PDE5A: variants seen among roughly 807,000 people sequenced by gnomAD.
PDE5A encodes cGMP-specific 3',5'-cyclic phosphodiesterase.
A neutral mutation model predicts 110.2 loss-of-function variants in PDE5A; 67 were observed. That is an observed-to-expected ratio of 0.61 (90% CI 0.50 to 0.75). The LOEUF (loss-of-function observed/expected upper bound fraction) is 0.75, where lower values mean the gene tolerates loss of function less well. PDE5A is among the 30% of genes least tolerant of loss of function. The pLI is 0.00. For missense variants in PDE5A, 862 were observed against 1,045.1 expected (o/e 0.82, Z 2.42); for synonymous variants, 328 against 351.2 (o/e 0.93, Z 0.74).
In PDE5A at chr4:119,497,929, G is replaced by A. The variant is rs200342258; in HGVS notation, c.*672C>T. 2 of 152,126 alleles carry A rather than the reference G, an allele frequency of 1.3e-5. No homozygotes were observed. Among genetic ancestry groups the A allele is most frequent in the Non-Finnish European group, 2.9e-5 (2 of 68,024 alleles). 9.4% of individuals were successfully genotyped at this position (152,126 alleles called of 1,614,324 possible). ...GTAGGTGAGATGAAAGTGATTTTATGGGTAGCTTTCAGAAAAATGTACTGC... is the reference window on the plus strand; with the variant it reads ...GTAGGTGAGATGAAAGTGATTTTATAGGTAGCTTTCAGAAAAATGTACTGC... On this transcript the variant is annotated 3_prime_UTR_variant, in exon 21 of 21. Coordinates refer to ENST00000354960, the MANE Select transcript of PDE5A (RefSeq NM_001083.4).
chr4:119,555,645 A>G (rs543407866), intron 7 of PDE5A, among the ~76,000 whole-genome samples: 1 of 152,238 alleles, frequency 6.6e-6, no homozygotes, highest in South Asian at 2.1e-4. Context: ...ATTCTTCATC[A>G]TCATTATTTT....
In PDE5A at chr4:119,552,597, C is replaced by G. The variant is rs773486166; in HGVS notation, c.1349G>C (p.Ser450Thr). 2 of 1,550,420 alleles carry G rather than the reference C, an allele frequency of 1.3e-6. No homozygotes were observed. The highest frequency in any genetic ancestry group is 2.5e-5 in the South Asian group (2 of 81,400). ...ATTTTTTATAGGTGTACAAAGCAAACTTCTAATGCACTGCTGGTTTACATT... is the reference window on the plus strand; with the variant it reads ...ATTTTTTATAGGTGTACAAAGCAAAGTTCTAATGCACTGCTGGTTTACATT... ...TGNVNQQCIR[S>T]LLCTPIKNGK... is the part of the protein sequence containing the mutation. Residue 450 changes from serine (S) to threonine (T), a missense_variant, in exon 9 of 21, where the codon AGT becomes ACT. Coordinates refer to ENST00000354960, the MANE Select transcript of PDE5A (RefSeq NM_001083.4).
At chr4:119,569,414 C>A (rs547214752) in intron 3 of PDE5A, among the ~76,000 whole-genome samples, 1 of 151,526 alleles carries the variant, frequency 6.6e-6, no homozygotes, top group African/African-American at 2.4e-5. Flanking sequence ...TAATAGACAC[C>A]AGAAATACCC....
chr4:119,587,379 ATT>A lies in PDE5A; in HGVS notation c.831+9142_831+9143del, dbSNP rs5861433. ...CACCACACCCGGCTAATTTTTTTGT[ATT>A]TTTTTTTTTTTTTGAGACGGAGTCT... On this transcript the variant is annotated intron_variant, in intron 3 of 20. Coordinates refer to ENST00000354960, the MANE Select transcript of PDE5A (RefSeq NM_001083.4). Among the ~76,000 whole-genome samples, 780 of 139,116 alleles carry A rather than the reference ATT, an allele frequency of 5.6e-3. 8 individuals carry two copies. Among genetic ancestry groups the A allele is most frequent in the African/African-American group, 0.015 (565 of 37,864 alleles). The allele number at this position is 139,116 out of a possible 152,430, so 91.3% of individuals were successfully genotyped here. A position where few individuals can be genotyped will look rare whatever the true frequency, so the allele number is the denominator to read the frequency against.
chr4:119,546,406 A>G (rs904156937), intron 9 of PDE5A, among the ~76,000 whole-genome samples: 1 of 152,128 alleles, frequency 6.6e-6, no homozygotes, highest in Non-Finnish European at 1.5e-5. Context: ...CAGTAACACA[A>G]TTATATATGC....
At chr4:119,579,272 T>G (rs1034070123) in intron 3 of PDE5A, among the ~76,000 whole-genome samples, 2 of 152,180 alleles carry the variant, frequency 1.3e-5, no homozygotes, top group Non-Finnish European at 2.9e-5. Flanking sequence ...ATTGTGGAAG[T>G]CAGTGTGGCG....
intron 6 of PDE5A, among the ~76,000 whole-genome samples, chr4:119,562,424 C>A (rs970092015): frequency 2.0e-5 from 3 of 152,068 alleles, no homozygotes; most frequent in African/African-American, 7.2e-5. Flanking sequence ...AATTTTTATA[C>A]CCAACCCATC....
chr4:119,495,264 C>T lies in PDE5A; in HGVS notation c.*3337G>A, dbSNP rs201066799. On this transcript the variant is annotated 3_prime_UTR_variant, in exon 21 of 21. Transcript: ENST00000354960. ...TCAGGGACCGTGAGCTCCTTGGGGT[C>T]ACTGCTCTGTCTCCACAGCAGAGCA... 1 of 152,170 alleles carries T rather than the reference C, an allele frequency of 6.6e-6. No homozygotes were observed. The highest frequency in any genetic ancestry group is 1.5e-5 in the Non-Finnish European group (1 of 68,042). 9.4% of individuals were successfully genotyped at this position (152,170 alleles called of 1,614,324 possible). A position where few individuals can be genotyped will look rare whatever the true frequency, so the allele number is the denominator to read the frequency against.
intron 7 of PDE5A, among the ~76,000 whole-genome samples, chr4:119,556,006 C>T (rs548864936): frequency 6.6e-6 from 1 of 152,128 alleles, no homozygotes; most frequent in African/African-American, 2.4e-5. Context: ...AGTATATGGG[C>T]GACAAACTTA....
intron 18 of PDE5A, 148 bp from the exon 19 acceptor site, chr4:119,502,803 T>C (rs1401827627): frequency 6.7e-6 from 4 of 597,112 alleles, no homozygotes; most frequent in Non-Finnish European, 8.8e-6. Flanking sequence ...AAGTAGTCCA[T>C]GTCCAAAGCG....
chr4:119,581,797 TAA>T (rs1437339180), intron 3 of PDE5A, among the ~76,000 whole-genome samples: 1 of 152,226 alleles, frequency 6.6e-6, no homozygotes, highest in African/African-American at 2.4e-5. Context: ...CCAGAGGATA[TAA>T]AAGTTATTTT....
intron 2 of PDE5A, among the ~76,000 whole-genome samples, chr4:119,601,277 G>A (rs1046279323): frequency 6.6e-6 from 1 of 152,054 alleles, no homozygotes; most frequent in Non-Finnish European, 1.5e-5. Context: ...GCTGGAGATT[G>A]AATCCACTCA....
intron 3 of PDE5A, among the ~76,000 whole-genome samples, chr4:119,571,253 T>G (rs1046372151): frequency 1.9e-4 from 29 of 152,320 alleles, no homozygotes; most frequent in Admixed American, 7.2e-4. Context: ...CCCAAAGATG[T>G]CCTTGTCCTA....
At chr4:119,506,046 T>C (rs1578725507) in intron 16 of PDE5A, 114 bp from the exon 17 acceptor site, 2 of 516,034 alleles carry the variant, frequency 3.9e-6, no homozygotes, top group East Asian at 6.9e-5. Context: ...TGATTTTTTT[T>C]CCCATCTTAG....
rs779771745 is a variant in PDE5A at position 119,607,330 on chromosome 4, C to T, written c.153-33G>A. On this transcript the variant is annotated intron_variant, in intron 1 of 20. Coordinates refer to ENST00000354960, the MANE Select transcript of PDE5A (RefSeq NM_001083.4). Reference sequence around the variant, plus strand: ...ACAGAACGTGCAGACACATTAGATACTTGAAGAGGAAGGGTGCTATGCCTG... The same window carrying T: ...ACAGAACGTGCAGACACATTAGATATTTGAAGAGGAAGGGTGCTATGCCTG... 4 of 1,424,438 alleles carry T rather than the reference C, an allele frequency of 2.8e-6. No homozygotes were observed. In the African/African-American group the frequency reaches 5.6e-5, roughly 20 times the overall value. The allele number at this position is 1,424,438 out of a possible 1,614,324, so 88.2% of individuals were successfully genotyped here.
intron 6 of PDE5A, among the ~76,000 whole-genome samples, chr4:119,561,738 T>C (rs1165545600): frequency 6.6e-6 from 1 of 152,194 alleles, no homozygotes; most frequent in African/African-American, 2.4e-5. Flanking sequence ...AAATAGTATC[T>C]ATGAAAATAC....
intron 3 of PDE5A, among the ~76,000 whole-genome samples, chr4:119,577,742 C>G (rs1728412604): frequency 6.6e-6 from 1 of 152,144 alleles, no homozygotes; most frequent in Non-Finnish European, 1.5e-5. Context: ...ACTGAATGGG[C>G]AAAAACTGAA....
At chr4:119,567,991 T>C (rs1346027143) in intron 3 of PDE5A, among the ~76,000 whole-genome samples, 1 of 152,162 alleles carries the variant, frequency 6.6e-6, no homozygotes, top group Non-Finnish European at 1.5e-5. Flanking sequence ...TCTATGTGGA[T>C]GGTTCACTTT....
intron 3 of PDE5A, among the ~76,000 whole-genome samples, chr4:119,576,078 A>G (rs1248391073): frequency 6.6e-6 from 1 of 152,204 alleles, no homozygotes; most frequent in African/African-American, 2.4e-5. Flanking sequence ...CAAAGATCAA[A>G]AGAGACAAAG....
Sources: gnomAD v4.1 joint callset for allele counts (sites outside exome capture counted in the v4.1 genomes callset) on GRCh38, gnomAD v4.1.1 for gene constraint, MANE v1.5 for transcripts, NCBI Gene and HGNC (gene_info 2026-07-23, HGNC 2026-07-21) for gene names.